The following FBXO15 variants were observed in gnomAD, a reference collection of about 807,000 sequenced individuals.
FBXO15 encodes the protein F-box protein 15.
In FBXO15, 30 loss-of-function variants were observed where a neutral mutation model predicts 49.5. That is an observed-to-expected ratio of 0.61 (90% CI 0.45 to 0.82). The LOEUF (loss-of-function observed/expected upper bound fraction) is 0.82. Among genes scored for constraint, FBXO15 ranks in the 40% least tolerant of loss-of-function variants. The pLI is 0.00. For missense variants in FBXO15, 591 were observed against 631.5 expected (o/e 0.94, Z 0.69); for synonymous variants, 250 against 232.7 (o/e 1.07, Z -0.68).
intron 8 of FBXO15, among the ~76,000 whole-genome samples, chr18:74,104,015 C>CTT (rs1427740351): frequency 6.6e-6 from 1 of 152,130 alleles, no homozygotes. Flanking sequence ...ATTCATAACT[C>CTT]TACTATGAAG....
At chr18:74,124,072 C>T (rs1914593040) in intron 7 of FBXO15, among the ~76,000 whole-genome samples, 1 of 151,982 alleles carries the variant, frequency 6.6e-6, no homozygotes, top group Non-Finnish European at 1.5e-5. Context: ...GCCTGTGCGC[C>T]ACCTAAAGAC....
At chr18:74,145,687 T>A (rs1979367778) in intron 1 of FBXO15, among the ~76,000 whole-genome samples, 1 of 139,554 alleles carries the variant, frequency 7.2e-6, no homozygotes, top group South Asian at 2.4e-4. Context: ...AAGCTCCGCC[T>A]CCTGGGTTCA....
intron 8 of FBXO15, among the ~76,000 whole-genome samples, chr18:74,109,139 G>GA (rs1913897074): frequency 6.6e-6 from 1 of 151,932 alleles, no homozygotes; most frequent in African/African-American, 2.4e-5. Context: ...AAATTTGCAA[G>GA]AAAAAAATAA....
Position 74,147,755 on chromosome 18 carries a change from G to A in FBXO15, c.31C>T (p.Gln11Ter), listed in dbSNP as rs1012476182. MATGRGRILQ[Q>*]HWLGLQTLRG... ...AGCGTCTGGAGGCCGAGCCAGTGCTGCTGCAAGATCCGACCGCGTCCAGTC... is the reference window on the plus strand; with the variant it reads ...AGCGTCTGGAGGCCGAGCCAGTGCTACTGCAAGATCCGACCGCGTCCAGTC... The change falls in exon 1 of 10, where the codon CAG (glutamine) becomes TAG (stop). Residue 11 changes from glutamine (Q) to a stop codon, truncating the protein, a stop_gained. Transcript: ENST00000419743. LOFTEE classifies it high-confidence loss of function. The A allele has an allele frequency of 7.2e-6, 11 of 1,536,012 alleles. No homozygotes were observed. The highest frequency in any genetic ancestry group is 1.4e-5 in the African/African-American group (1 of 71,880).
chr18:74,138,076 T>C (rs1412540006), intron 2 of FBXO15, among the ~76,000 whole-genome samples: 1 of 152,098 alleles, frequency 6.6e-6, no homozygotes, highest in African/African-American at 2.4e-5. Flanking sequence ...CATAGGAGCC[T>C]CTGAATCACC....
At chr18:74,142,042 A>G (rs1193216291) in intron 1 of FBXO15, among the ~76,000 whole-genome samples, 1 of 152,200 alleles carries the variant, frequency 6.6e-6, no homozygotes, top group Admixed American at 6.5e-5. Context: ...AAACTTTTCC[A>G]GATCCTGTAA....
chr18:74,108,521 CG>C (rs1265304455), intron 8 of FBXO15, among the ~76,000 whole-genome samples: 1 of 136,552 alleles, frequency 7.3e-6, no homozygotes, highest in Non-Finnish European at 1.5e-5. Context: ...AAAAAAAAGA[CG>C]GAAAAAAAAA....
At position 74,073,638 on chromosome 18, in the gene FBXO15, T is replaced by TG; in HGVS notation, c.1355dup (p.Pro453ThrfsTer3). 1 of 1,614,070 alleles carries TG rather than the reference T, an allele frequency of 6.2e-7. No individual in the cohort carries two copies. The highest frequency in any genetic ancestry group is 8.5e-7 in the Non-Finnish European group (1 of 1,180,020). ...CCAAGAAGCTAGAGCTGTCAGAGGG[T>TG]GTGGCAGGCGATCTCAGGCACACCG... On this transcript the variant is annotated frameshift_variant, in exon 10 of 10. Coordinates refer to ENST00000419743, the MANE Select transcript of FBXO15 (RefSeq NM_001142958.2). LOFTEE classifies it low-confidence loss of function (END_TRUNC).
intron 8 of FBXO15, among the ~76,000 whole-genome samples, chr18:74,110,362 A>G (rs1270615550): frequency 6.6e-6 from 1 of 151,768 alleles, no homozygotes; most frequent in Admixed American, 6.6e-5. Context: ...TAAATATGGT[A>G]AATTGTAAGG....
rs1041392073 is a variant in FBXO15 at position 74,073,793 on chromosome 18, A to G, written c.1264-63T>C. ...CAATCAGACCTGATTTTCACAGAAAATCGTGACTCTGTAAAACTCACTAGA... is the reference window on the plus strand; with the variant it reads ...CAATCAGACCTGATTTTCACAGAAAGTCGTGACTCTGTAAAACTCACTAGA... On this transcript the variant is annotated intron_variant, in intron 9 of 9. Coordinates refer to ENST00000419743, the MANE Select transcript of FBXO15 (RefSeq NM_001142958.2). 1.2e-5 allele frequency: 19 copies of G among 1,538,730 alleles called. No homozygotes were observed. The African/African-American group carries it at 2.5e-4, about 20-fold the overall frequency.
chr18:74,133,585 GTC>G (rs1978529423), intron 3 of FBXO15, among the ~76,000 whole-genome samples: 1 of 152,162 alleles, frequency 6.6e-6, no homozygotes, highest in Non-Finnish European at 1.5e-5. Context: ...CATTGTCATA[GTC>G]TCTTTGTGTT....
rs189271380 is a variant in FBXO15, at chr18:74,137,448, C to T, written c.228-1582G>A. ...ATTTCAGAAAAGTATCCAGCAACTA[C>T]CAGAATTATTTAACTGGAATGAAAT... On this transcript the variant is annotated intron_variant, in intron 2 of 9. Transcript: ENST00000419743. 5.9e-4 allele frequency among the ~76,000 whole-genome samples: 90 copies of T among 152,250 alleles called. 1 individual carries two copies. The highest frequency in any genetic ancestry group is 2.1e-3 in the African/African-American group (89 of 41,536).
chr18:74,144,331 C>T (rs952442542), intron 1 of FBXO15, among the ~76,000 whole-genome samples: 4 of 150,048 alleles, frequency 2.7e-5, no homozygotes, highest in East Asian at 2.0e-4. Flanking sequence ...TAAATGGGGA[C>T]GATTTAGGGG....
rs535603890 is a variant in FBXO15 at position 74,137,771 on chromosome 18, G to A, written c.228-1905C>T. On this transcript the variant is annotated intron_variant, in intron 2 of 9. Coordinates refer to ENST00000419743, the MANE Select transcript of FBXO15 (RefSeq NM_001142958.2). ...GAAAGGGGAGGTGAGAGGCAGGACC[G>A]TTAAAGAAGTTCAGAATGTAGAACA... is the stretch of plus-strand genomic sequence containing the variant. 4.6e-5 allele frequency among the ~76,000 whole-genome samples: 7 copies of A among 152,254 alleles called. 1 individual carries two copies. Among genetic ancestry groups the A allele is most frequent in the East Asian group, 1.9e-4 (1 of 5,184 alleles).
At chr18:74,096,616 G>A (rs756639134) in intron 8 of FBXO15, among the ~76,000 whole-genome samples, 24 of 146,502 alleles carry the variant, frequency 1.6e-4, no homozygotes, top group Admixed American at 6.8e-4. Context: ...AAAGAAGAGC[G>A]AACAGGGAGC....
rs910509053 is a variant in FBXO15, at chr18:74,147,771, G to A, written c.15C>T (p.Arg5=). Residue 5 remains arginine (R), a synonymous_variant, in exon 1 of 10, where the codon CGC becomes CGT. Transcript: ENST00000419743. ...GCCAGTGCTGCTGCAAGATCCGACC[G>A]CGTCCAGTCGCCATAGAGACAAGGA... is the stretch of plus-strand genomic sequence containing the variant. MATG[R]GRILQQHWLG... is the part of the protein sequence containing the mutation. 4 of 1,534,038 alleles carry A rather than the reference G, an allele frequency of 2.6e-6. No homozygotes were observed. The highest frequency in any genetic ancestry group is 2.0e-5 in the Admixed American group (1 of 50,042).
chr18:74,139,276 A>AT (rs1377368742), intron 2 of FBXO15, among the ~76,000 whole-genome samples: 1 of 152,248 alleles, frequency 6.6e-6, no homozygotes, highest in African/African-American at 2.4e-5. Context: ...TCATGAGAAC[A>AT]TGTGAGTGGC....
chr18:74,096,112 T>C (rs1261163565), intron 8 of FBXO15, among the ~76,000 whole-genome samples: 1 of 152,144 alleles, frequency 6.6e-6, no homozygotes, highest in Non-Finnish European at 1.5e-5. Context: ...TTCCCCACCA[T>C]CTTGGGTTCC....
In FBXO15 at chr18:74,100,624, G is replaced by A. The variant is rs963721873; in HGVS notation, c.1139-18573C>T. On this transcript the variant is annotated intron_variant, in intron 8 of 9. Coordinates refer to ENST00000419743, the MANE Select transcript of FBXO15 (RefSeq NM_001142958.2). ...ATACAAAAGATAAATGAAACAAAATGGTGGTTCTTTGAAAAAATAAATAAA... is the reference window on the plus strand; with the variant it reads ...ATACAAAAGATAAATGAAACAAAATAGTGGTTCTTTGAAAAAATAAATAAA... Among the ~76,000 whole-genome samples the A allele has an allele frequency of 1.6e-4, 25 of 151,974 alleles. 1 individual carries two copies. The highest frequency in any genetic ancestry group is 5.6e-4 in the African/African-American group (23 of 41,402).
Sources: gnomAD v4.1 joint callset for allele counts (sites outside exome capture counted in the v4.1 genomes callset) on GRCh38, gnomAD v4.1.1 for gene constraint, MANE v1.5 for transcripts, NCBI Gene and HGNC (gene_info 2026-07-23, HGNC 2026-07-21) for gene names.